The following LUZP2 variants were observed in gnomAD, a reference collection of about 807,000 sequenced individuals.
LUZP2 encodes leucine zipper protein 2.
A neutral mutation model predicts 51.6 loss-of-function variants in LUZP2; 52 were observed. That is an observed-to-expected ratio of 1.01 (90% confidence interval 0.81 to 1.27). LUZP2 has a LOEUF of 1.27. Ranked by LOEUF, LUZP2 falls within the 50% of genes most tolerant of loss-of-function variation. The probability of loss-of-function intolerance (pLI) is 0.00; values close to 1 mark genes in which losing one functional copy is unlikely to be tolerated. For missense variants in LUZP2, 436 were observed against 395.4 expected, an observed-to-expected ratio of 1.10 and a Z score of -0.87; for synonymous variants, 154 against 137.3, an observed-to-expected ratio of 1.12 and a Z score of -0.85.
intron 1 of LUZP2, among the ~76,000 whole-genome samples, chr11:24,697,080 A>G (rs1857272357): frequency 6.6e-6 from 1 of 152,172 alleles, no homozygotes; most frequent in Admixed American, 6.6e-5. Flanking sequence ...AAGGTCTGTT[A>G]AGGTCAAGGA....
At chr11:24,727,018 A>G (rs552595057) in intron 1 of LUZP2, among the ~76,000 whole-genome samples, 1 of 151,774 alleles carries the variant, frequency 6.6e-6, no homozygotes, top group East Asian at 1.9e-4. Flanking sequence ...GTGCCTCTTC[A>G]TGGTTCCCAA....
intron 7 of LUZP2, among the ~76,000 whole-genome samples, chr11:24,940,858 TG>T (rs1206773257): frequency 1.3e-5 from 2 of 152,156 alleles, no homozygotes; most frequent in Non-Finnish European, 2.9e-5. Context: ...TCTACAGAAG[TG>T]GTATGTGTAG....
At chr11:24,760,264 G>A (rs1859933447) in intron 4 of LUZP2, among the ~76,000 whole-genome samples, 1 of 152,114 alleles carries the variant, frequency 6.6e-6, no homozygotes. Flanking sequence ...AGAGCAAATA[G>A]ATTATCTTAA....
At chr11:25,021,747 G>T (rs1218268505) in intron 9 of LUZP2, among the ~76,000 whole-genome samples, 1 of 150,030 alleles carries the variant, frequency 6.7e-6, no homozygotes, top group Non-Finnish European at 1.5e-5. Flanking sequence ...TTATTATGTT[G>T]TTCTCAGCAT....
intron 7 of LUZP2, among the ~76,000 whole-genome samples, chr11:24,957,105 T>C (rs115053360): frequency 2.3e-3 from 354 of 152,272 alleles, no homozygotes; most frequent in African/African-American, 8.1e-3. Flanking sequence ...TGTCTTGTTG[T>C]CTTGTTCAAC....
intron 9 of LUZP2, among the ~76,000 whole-genome samples, chr11:25,035,263 A>C (rs549447499): frequency 6.6e-6 from 1 of 152,240 alleles, no homozygotes; most frequent in Non-Finnish European, 1.5e-5. Context: ...TTTGCTGATA[A>C]TATGATTCTT....
At chr11:24,902,324 A>G (rs1029927806) in intron 5 of LUZP2, among the ~76,000 whole-genome samples, 6 of 151,856 alleles carry the variant, frequency 4.0e-5, no homozygotes, top group Admixed American at 1.3e-4. Flanking sequence ...CACCCTCAAC[A>G]CTCAGGTAAA....
rs988375056 is a variant in LUZP2, at chr11:24,828,137, C to G, written c.396+64829C>G. 4.6e-5 allele frequency among the ~76,000 whole-genome samples: 7 copies of G among 152,094 alleles called. No homozygotes were observed. The East Asian group carries it at 1.2e-3, about 25-fold the overall frequency. Reference sequence around the variant, plus strand: ...AAACAATGAAAGATAGGTAAGTGAGCAATATTCTGGTGACTTCTTTTGAAG... The same window carrying G: ...AAACAATGAAAGATAGGTAAGTGAGGAATATTCTGGTGACTTCTTTTGAAG... On this transcript the variant is annotated intron_variant, in intron 5 of 11. Coordinates refer to ENST00000336930, the MANE Select transcript of LUZP2 (RefSeq NM_001009909.4).
intron 1 of LUZP2, among the ~76,000 whole-genome samples, chr11:24,533,280 C>A (rs553579841): frequency 7.2e-4 from 109 of 151,278 alleles, no homozygotes; most frequent in Admixed American, 1.4e-3. Flanking sequence ...ACATATTTTT[C>A]TTTTGTCTTC....
At position 24,740,096 on chromosome 11, in the gene LUZP2, A is replaced by G. The variant is rs1013736073; in HGVS notation, c.333+1794A>G. On this transcript the variant is annotated intron_variant, in intron 4 of 11. Coordinates refer to ENST00000336930, the MANE Select transcript of LUZP2 (RefSeq NM_001009909.4). ...TTTCTTCATAGCCTAATGACAAACA[A>G]TGGTAGAGCAGAATAGAAGTGCTCA... Among the ~76,000 whole-genome samples the G allele has an allele frequency of 2.0e-5, 3 of 152,282 alleles. No homozygotes were observed. In the South Asian group the frequency reaches 6.2e-4, roughly 32 times the overall value.
intron 5 of LUZP2, among the ~76,000 whole-genome samples, chr11:24,887,654 T>C (rs1414061708): frequency 6.6e-6 from 1 of 152,234 alleles, no homozygotes; most frequent in African/African-American, 2.4e-5. Flanking sequence ...GTTAAACTTG[T>C]ATTCAAAATG....
chr11:24,699,686 C>T lies in LUZP2; in HGVS notation c.63-29483C>T, dbSNP rs1565084911. Reference sequence around the variant, plus strand: ...ATATATACACACACACATATATACACAGACACACACACACACGCACACATC... The same window carrying T: ...ATATATACACACACACATATATACATAGACACACACACACACGCACACATC... On this transcript the variant is annotated intron_variant, in intron 1 of 11. Coordinates refer to ENST00000336930, the MANE Select transcript of LUZP2 (RefSeq NM_001009909.4). Among the ~76,000 whole-genome samples the T allele has an allele frequency of 3.3e-5, 5 of 149,550 alleles. No individual in the cohort carries two copies. In the South Asian group the frequency reaches 6.3e-4, roughly 19 times the overall value.
In LUZP2 at chr11:25,077,771, C is replaced by T. The variant is rs572858973; in HGVS notation, c.936+365C>T. Among the ~76,000 whole-genome samples the T allele has an allele frequency of 3.7e-3, 558 of 152,234 alleles. 3 individuals carry two copies. The highest frequency in any genetic ancestry group is 0.013 in the African/African-American group (526 of 41,534). Reference sequence around the variant, plus strand: ...TCAGCCTCCCAAAGTGCTGGGATTACAGGCGTGAGCCACCGCGCCCGACCA... The same window carrying T: ...TCAGCCTCCCAAAGTGCTGGGATTATAGGCGTGAGCCACCGCGCCCGACCA... On this transcript the variant is annotated intron_variant, in intron 11 of 11. Coordinates refer to ENST00000336930, the MANE Select transcript of LUZP2 (RefSeq NM_001009909.4).
intron 9 of LUZP2, among the ~76,000 whole-genome samples, chr11:25,035,287 A>T (rs551714638): frequency 1.3e-5 from 2 of 152,222 alleles, no homozygotes; most frequent in African/African-American, 4.8e-5. Context: ...TTAGAAAATC[A>T]TAAAAAAAAC....
chr11:25,012,359 CT>C (rs778163870), intron 9 of LUZP2, among the ~76,000 whole-genome samples: 18 of 152,212 alleles, frequency 1.2e-4, no homozygotes, highest in Non-Finnish European at 2.4e-4. Context: ...ACTCCCCACA[CT>C]GTTTCCCAAG....
At chr11:24,634,243 A>T (rs1854996195) in intron 1 of LUZP2, among the ~76,000 whole-genome samples, 1 of 152,050 alleles carries the variant, frequency 6.6e-6, no homozygotes, top group Non-Finnish European at 1.5e-5. Context: ...GGCAATAAAA[A>T]CAGCATAATT....
intron 5 of LUZP2, among the ~76,000 whole-genome samples, chr11:24,790,593 G>A (rs778318416): frequency 3.3e-5 from 5 of 151,690 alleles, no homozygotes; most frequent in East Asian, 1.9e-4. Flanking sequence ...CCTCTGCCTC[G>A]GGGGTTCAAG....
chr11:24,868,327 T>TATTTA (rs140273788), intron 5 of LUZP2, among the ~76,000 whole-genome samples: 21,639 of 152,064 alleles, frequency 0.14, 1,591 homozygotes, highest in African/African-American at 0.17. Flanking sequence ...CATTCCTGTG[T>TATTTA]TCTTCCTACA....
intron 7 of LUZP2, among the ~76,000 whole-genome samples, chr11:24,927,057 A>G (rs1590741560): frequency 6.7e-6 from 1 of 148,604 alleles, no homozygotes; most frequent in African/African-American, 2.5e-5. Flanking sequence ...CCTTTTGAGA[A>G]TTTTCTATTC....
Sources: gnomAD v4.1 joint callset for allele counts (sites outside exome capture counted in the v4.1 genomes callset) on GRCh38, gnomAD v4.1.1 for gene constraint, MANE v1.5 for transcripts, NCBI Gene and HGNC (gene_info 2026-07-23, HGNC 2026-07-21) for gene names.